Variants in XKR6 observed in about 807,000 individuals in gnomAD.
XKR6 encodes the protein XK-related protein 6.
A neutral mutation model predicts 56.7 loss-of-function variants in XKR6; 22 were observed. That is an observed-to-expected ratio of 0.39 (90% confidence interval 0.28 to 0.55). XKR6 has a LOEUF of 0.55. Among genes scored for constraint, XKR6 ranks in the 20% least tolerant of loss-of-function variants. The pLI is 0.66. For synonymous variants in XKR6, 524 were observed against 387.8 expected (o/e 1.35, Z -4.13); for missense variants, 852 against 889.0 (o/e 0.96, Z 0.53).
At chr8:10,925,248 G>A (rs1231717143) in intron 1 of XKR6, among the ~76,000 whole-genome samples, 1 of 152,212 alleles carries the variant, frequency 6.6e-6, no homozygotes, top group African/African-American at 2.4e-5. Context: ...TGTTCTGGAG[G>A]AGGAAAGGAA....
chr8:11,019,252 C>T (rs1798695161), intron 1 of XKR6, among the ~76,000 whole-genome samples: 1 of 152,186 alleles, frequency 6.6e-6, no homozygotes, highest in South Asian at 2.1e-4. Flanking sequence ...ACTGACCCAC[C>T]CTCCCTCTCC....
chr8:11,036,981 A>G (rs968446816), intron 1 of XKR6, among the ~76,000 whole-genome samples: 5 of 152,154 alleles, frequency 3.3e-5, no homozygotes, highest in Middle Eastern at 3.2e-3. Flanking sequence ...AGCCCCCTAG[A>G]TCGGGTATGA....
chr8:10,962,270 G>T (rs1802086879), intron 1 of XKR6, among the ~76,000 whole-genome samples: 1 of 152,162 alleles, frequency 6.6e-6, no homozygotes, highest in African/African-American at 2.4e-5. Context: ...GTGCTATCAA[G>T]TCACATAGTA....
At chr8:11,122,682 G>C (rs1799514718) in intron 1 of XKR6, among the ~76,000 whole-genome samples, 1 of 152,224 alleles carries the variant, frequency 6.6e-6, no homozygotes, top group South Asian at 2.1e-4. Flanking sequence ...CAAAAAGTTA[G>C]TGACAGCTTA....
chr8:10,982,947 G>A (rs1313166812), intron 1 of XKR6, among the ~76,000 whole-genome samples: 1 of 152,176 alleles, frequency 6.6e-6, no homozygotes, highest in Non-Finnish European at 1.5e-5. Context: ...ATATGGCCTT[G>A]GGCAAGCCAT....
At chr8:11,024,946 A>G (rs1310274094) in intron 1 of XKR6, among the ~76,000 whole-genome samples, 2 of 152,222 alleles carry the variant, frequency 1.3e-5, no homozygotes, top group Non-Finnish European at 2.9e-5. Context: ...TAGGTGGTCA[A>G]GACCGGCTCT....
At chr8:10,939,936 C>T (rs952660572) in intron 1 of XKR6, among the ~76,000 whole-genome samples, 1 of 152,248 alleles carries the variant, frequency 6.6e-6, no homozygotes, top group Non-Finnish European at 1.5e-5. Flanking sequence ...TCCCCCTCCC[C>T]CAGGTGTGTC....
At chr8:10,912,843 GAA>G (rs1279058929) in intron 2 of XKR6, among the ~76,000 whole-genome samples, 1 of 143,482 alleles carries the variant, frequency 7.0e-6, no homozygotes, top group African/African-American at 2.7e-5. Flanking sequence ...TATAGAGAGA[GAA>G]AGAGATAGGG....
chr8:10,950,252 C>T (rs1801677572), intron 1 of XKR6, among the ~76,000 whole-genome samples: 1 of 152,190 alleles, frequency 6.6e-6, no homozygotes, highest in African/African-American at 2.4e-5. Context: ...CAGGGGGCTC[C>T]TCTGTGCTCC....
At chr8:10,957,755 G>C (rs934566939) in intron 1 of XKR6, among the ~76,000 whole-genome samples, 3 of 152,144 alleles carry the variant, frequency 2.0e-5, no homozygotes, top group Non-Finnish European at 4.4e-5. Context: ...TCCCAGGATA[G>C]GCCTCTCCAT....
rs1426231280 is a variant in XKR6, at chr8:11,052,550, T to C, written c.765-127720A>G. On this transcript the variant is annotated intron_variant, in intron 1 of 2. Transcript: ENST00000416569. ...TGAGTTGGTGAAGGGATGGGTGTGC[T>C]GAGGGTGGGGGCATCTCCTTCAGCC... is the stretch of plus-strand genomic sequence containing the variant. 3.9e-5 allele frequency among the ~76,000 whole-genome samples: 6 copies of C among 152,190 alleles called. No homozygotes were observed. In the East Asian group the frequency reaches 1.2e-3, roughly 29 times the overall value.
At chr8:11,057,061 C>G (rs1301973030) in intron 1 of XKR6, among the ~76,000 whole-genome samples, 1 of 152,232 alleles carries the variant, frequency 6.6e-6, no homozygotes, top group African/African-American at 2.4e-5. Flanking sequence ...TCTTGAAGCA[C>G]AGCCCAAATC....
intron 1 of XKR6, among the ~76,000 whole-genome samples, chr8:11,155,606 G>C (rs1586626316): frequency 6.6e-6 from 1 of 152,198 alleles, no homozygotes; most frequent in Non-Finnish European, 1.5e-5. Flanking sequence ...TACAGACACA[G>C]TTTTCTCTGG....
chr8:11,002,702 G>C (rs184509748), intron 1 of XKR6, among the ~76,000 whole-genome samples: 1 of 152,270 alleles, frequency 6.6e-6, no homozygotes, highest in Non-Finnish European at 1.5e-5. Context: ...GGTGGTGCGA[G>C]TTCAACGGCC....
At chr8:11,146,169 T>A (rs1800972379) in intron 1 of XKR6, among the ~76,000 whole-genome samples, 1 of 152,166 alleles carries the variant, frequency 6.6e-6, no homozygotes, top group South Asian at 2.1e-4. Flanking sequence ...ACCAGCACTC[T>A]GATCCACACT....
At chr8:11,015,492 C>CG (rs927126737) in intron 1 of XKR6, among the ~76,000 whole-genome samples, 5 of 152,108 alleles carry the variant, frequency 3.3e-5, no homozygotes, top group Non-Finnish European at 7.3e-5. Flanking sequence ...ACCCCCACCT[C>CG]GGGGAGGGAC....
intron 1 of XKR6, among the ~76,000 whole-genome samples, chr8:10,943,039 C>T (rs148113382): frequency 7.1e-4 from 108 of 152,320 alleles, no homozygotes; most frequent in Non-Finnish European, 9.3e-4. Context: ...GGACCATAGG[C>T]TGCATGGCCC....
chr8:11,154,411 G>C (rs889180871), intron 1 of XKR6, among the ~76,000 whole-genome samples: 3 of 152,240 alleles, frequency 2.0e-5, no homozygotes, highest in African/African-American at 7.2e-5. Context: ...TGGAAGAGGA[G>C]AACGGAAGAT....
chr8:10,977,898 G>A (rs993507291), intron 1 of XKR6, among the ~76,000 whole-genome samples: 5 of 151,974 alleles, frequency 3.3e-5, no homozygotes, highest in Non-Finnish European at 5.9e-5. Context: ...AATGGCAGCC[G>A]TTATCTTGGC....
Sources: allele counts gnomAD v4.1 joint callset (sites outside exome capture counted in the v4.1 genomes callset), GRCh38; gene constraint gnomAD v4.1.1; transcripts MANE v1.5; gene names NCBI Gene and HGNC (gene_info 2026-07-23, HGNC 2026-07-21).